The following PLD5 variants were observed in gnomAD, a reference collection of about 807,000 sequenced individuals.
PLD5 encodes inactive phospholipase D5.
A neutral mutation model predicts 61.1 loss-of-function variants in PLD5; 36 were observed. That is an observed-to-expected ratio of 0.59 (90% CI 0.45 to 0.78). The LOEUF (loss-of-function observed/expected upper bound fraction) is 0.78, where lower values mean the gene tolerates loss of function less well. PLD5 is among the 30% of genes least tolerant of loss of function. The pLI is 0.00. For synonymous variants in PLD5, 243 were observed against 242.8 expected (o/e 1.00, Z -0.01); for missense variants, 515 against 644.4 (o/e 0.80, Z 2.17).
At position 242,123,412 on chromosome 1, in the gene PLD5, G is replaced by A. The variant is rs553299464; in HGVS notation, c.933+1056C>T. Among the ~76,000 whole-genome samples the A allele has an allele frequency of 3.3e-5, 5 of 152,250 alleles. No homozygotes were observed. The East Asian group carries it at 9.6e-4, about 29-fold the overall frequency. ...CTCTTACTCCAGTTCAGGGTCACAGGTGGCCAGAGCCCCTCGCAGCCGGGA... is the reference window on the plus strand; with the variant it reads ...CTCTTACTCCAGTTCAGGGTCACAGATGGCCAGAGCCCCTCGCAGCCGGGA... On this transcript the variant is annotated intron_variant, in intron 6 of 9. Coordinates refer to ENST00000536534, the MANE Select transcript of PLD5 (RefSeq NM_001372062.1).
chr1:242,385,572 C>T (rs1212506092), intron 1 of PLD5, among the ~76,000 whole-genome samples: 1 of 152,162 alleles, frequency 6.6e-6, no homozygotes, highest in Non-Finnish European at 1.5e-5. Flanking sequence ...CCACTTCCCT[C>T]TCTCAAACTG....
chr1:242,114,614 G>A lies in PLD5; in HGVS notation c.934-588C>T, dbSNP rs370559545. The stretch of plus-strand genomic sequence containing the variant: ...TTTACAGCCGCTCCCCCTTGCTCGC[G>A]TCACCGCCTGAGCTCCGCCTCCTGT... On this transcript the variant is annotated intron_variant, in intron 6 of 9. Transcript: ENST00000536534. 5.5e-4 allele frequency among the ~76,000 whole-genome samples: 84 copies of A among 152,318 alleles called. 3 individuals are homozygous for A. In the South Asian group the frequency reaches 0.016, roughly 28 times the overall value.
chr1:242,484,945 C>T (rs974881611), intron 1 of PLD5, among the ~76,000 whole-genome samples: 8 of 152,048 alleles, frequency 5.3e-5, no homozygotes, highest in African/African-American at 1.7e-4. Context: ...ATAAACAGAA[C>T]CAAAGACAAA....
intron 2 of PLD5, among the ~76,000 whole-genome samples, chr1:242,340,026 CT>C (rs1219170562): frequency 2.6e-5 from 4 of 152,272 alleles, no homozygotes; most frequent in African/African-American, 9.6e-5. Context: ...GATACTGGCA[CT>C]GATAAAAGGG....
At chr1:242,516,135 C>T (rs1004110002) in intron 1 of PLD5, among the ~76,000 whole-genome samples, 2 of 151,846 alleles carry the variant, frequency 1.3e-5, no homozygotes, top group Non-Finnish European at 2.9e-5. Context: ...GTCTTCCTCA[C>T]TTTTCTGTTG....
chr1:242,336,178 A>G (rs1659493062), intron 2 of PLD5, among the ~76,000 whole-genome samples: 1 of 152,160 alleles, frequency 6.6e-6, no homozygotes, highest in South Asian at 2.1e-4. Context: ...GATGTTGACA[A>G]TCGTGGGGGA....
At chr1:242,348,829 CAG>C (rs1660293803) in intron 1 of PLD5, among the ~76,000 whole-genome samples, 1 of 152,072 alleles carries the variant, frequency 6.6e-6, no homozygotes, top group African/African-American at 2.4e-5. Flanking sequence ...CCAAGGCGGG[CAG>C]ATCATGAGGT....
chr1:242,377,488 A>T (rs1043746639), intron 1 of PLD5: 38 of 660,954 alleles, frequency 5.7e-5, no homozygotes, highest in East Asian at 5.2e-5. Flanking sequence ...TAGTAAACAC[A>T]GCTTCTTCCA....
chr1:242,268,646 T>C (rs777912036), intron 3 of PLD5, among the ~76,000 whole-genome samples: 3 of 152,208 alleles, frequency 2.0e-5, no homozygotes, highest in Non-Finnish European at 4.4e-5. Context: ...TGTAACGATC[T>C]TGGGCTTGGG....
At chr1:242,326,518 A>G (rs1186614866) in intron 2 of PLD5, among the ~76,000 whole-genome samples, 1 of 151,958 alleles carries the variant, frequency 6.6e-6, no homozygotes, top group Non-Finnish European at 1.5e-5. Flanking sequence ...AGATCCTGAC[A>G]TATACTCCTT....
chr1:242,215,395 AG>A (rs1670118481), intron 5 of PLD5, among the ~76,000 whole-genome samples: 1 of 152,106 alleles, frequency 6.6e-6, no homozygotes, highest in South Asian at 2.1e-4. Flanking sequence ...AAAAACAAAA[AG>A]GGGGGAATAT....
chr1:242,463,092 C>A lies in PLD5; in HGVS notation c.189+60996G>T, dbSNP rs114386700. 2.8e-3 allele frequency among the ~76,000 whole-genome samples: 419 copies of A among 152,316 alleles called. 1 individual carries two copies. Among genetic ancestry groups the A allele is most frequent in the African/African-American group, 9.4e-3 (392 of 41,562 alleles). On this transcript the variant is annotated intron_variant, in intron 1 of 9. Coordinates refer to ENST00000536534, the MANE Select transcript of PLD5 (RefSeq NM_001372062.1). ...TGTAATGTCAATCTCATGCCTCCCA[C>A]TCTTCCCACGAGCTCATATCTTTTC...
intron 2 of PLD5, among the ~76,000 whole-genome samples, chr1:242,345,089 G>T (rs1292014689): frequency 1.3e-5 from 2 of 152,202 alleles, no homozygotes; most frequent in Non-Finnish European, 2.9e-5. Context: ...CCCACAACAC[G>T]TGGGAATTCC....
intron 2 of PLD5, among the ~76,000 whole-genome samples, chr1:242,311,381 C>T (rs1291803198): frequency 6.6e-6 from 1 of 152,154 alleles, no homozygotes; most frequent in East Asian, 1.9e-4. Context: ...TTATTAAAGA[C>T]ATTTCTGATT....
chr1:242,383,010 T>C (rs1413825382), intron 1 of PLD5, among the ~76,000 whole-genome samples: 1 of 152,176 alleles, frequency 6.6e-6, no homozygotes, highest in Non-Finnish European at 1.5e-5. Flanking sequence ...GAATTTTGAT[T>C]TGTGGTAGAA....
intron 5 of PLD5, among the ~76,000 whole-genome samples, chr1:242,193,967 C>A (rs1047581376): frequency 1.3e-5 from 2 of 152,184 alleles, no homozygotes; most frequent in Non-Finnish European, 2.9e-5. Context: ...AAGGGGCTAA[C>A]AAGCTGTGGA....
At chr1:242,101,888 C>G (rs80175590) in intron 8 of PLD5, among the ~76,000 whole-genome samples, 159 of 152,260 alleles carry the variant, frequency 1.0e-3, no homozygotes, top group Admixed American at 2.2e-3. Context: ...GAGCAGAGAT[C>G]AAAATCTACT....
intron 1 of PLD5, chr1:242,377,437 C>A: frequency 1.2e-6 from 1 of 804,714 alleles, no homozygotes; most frequent in Non-Finnish European, 2.1e-6. Context: ...TCTTTTGTTT[C>A]CTCCTCACTG....
At chr1:242,407,421 A>G (rs1475449445) in intron 1 of PLD5, among the ~76,000 whole-genome samples, 2 of 152,178 alleles carry the variant, frequency 1.3e-5, no homozygotes, top group African/African-American at 2.4e-5. Context: ...ATTATAGTCT[A>G]TACAAAAATT....
Sources: gnomAD v4.1 joint callset for allele counts (sites outside exome capture counted in the v4.1 genomes callset) on GRCh38, gnomAD v4.1.1 for gene constraint, MANE v1.5 for transcripts, NCBI Gene and HGNC (gene_info 2026-07-23, HGNC 2026-07-21) for gene names.